The following GABRB1 variants were observed in gnomAD, a reference collection of about 807,000 sequenced individuals.
GABRB1 encodes gamma-aminobutyric acid type A receptor subunit beta1, also known as gamma-aminobutyric acid receptor subunit beta-1.
Under a neutral mutation model 51.6 loss-of-function variants are expected in GABRB1, and 17 were observed. The observed-to-expected ratio is 0.33, with a 90% CI of 0.23 to 0.49. GABRB1 has a LOEUF of 0.49. Ranked by LOEUF, GABRB1 falls within the 20% of genes least tolerant of loss-of-function variation. The pLI, the probability that GABRB1 is intolerant of heterozygous loss-of-function variation, is 0.99. For synonymous variants in GABRB1, 247 were observed against 218.9 expected, an observed-to-expected ratio of 1.13 and a Z score of -1.14; for missense variants, 410 against 600.6, an observed-to-expected ratio of 0.68 and a Z score of 3.32.
At chr4:47,150,611 A>G (rs932911345) in intron 3 of GABRB1, among the ~76,000 whole-genome samples, 1 of 147,712 alleles carries the variant, frequency 6.8e-6, no homozygotes, top group Non-Finnish European at 1.5e-5. Context: ...ATAAATATAT[A>G]CTATCTTTTC....
intron 4 of GABRB1, among the ~76,000 whole-genome samples, chr4:47,170,741 T>A (rs1178078787): frequency 6.6e-6 from 1 of 152,112 alleles, no homozygotes; most frequent in East Asian, 1.9e-4. Context: ...CTATTTCAAA[T>A]GGAAGAGAGA....
chr4:47,321,289 T>C (rs915587263), intron 5 of GABRB1, among the ~76,000 whole-genome samples: 2 of 152,208 alleles, frequency 1.3e-5, no homozygotes, highest in African/African-American at 4.8e-5. Context: ...GGTGATTCTA[T>C]AGTATTGTTG....
chr4:47,231,110 T>A (rs1721125253), intron 4 of GABRB1, among the ~76,000 whole-genome samples: 1 of 152,200 alleles, frequency 6.6e-6, no homozygotes, highest in Admixed American at 6.5e-5. Context: ...CCAACCTTTG[T>A]CCCTCCTAAA....
At chr4:47,345,878 A>G (rs1381987503) in intron 5 of GABRB1, among the ~76,000 whole-genome samples, 5 of 152,076 alleles carry the variant, frequency 3.3e-5, no homozygotes, top group Admixed American at 6.6e-5. Flanking sequence ...AGATTCCCCC[A>G]AACAAGCACA....
At chr4:47,416,657 G>A (rs1032033946) in intron 8 of GABRB1, among the ~76,000 whole-genome samples, 15 of 152,052 alleles carry the variant, frequency 9.9e-5, no homozygotes, top group African/African-American at 3.6e-4. Context: ...TCGCCATGTT[G>A]GCCAGGCTGG....
chr4:47,310,042 G>T (rs772996791), intron 4 of GABRB1, among the ~76,000 whole-genome samples: 1 of 151,954 alleles, frequency 6.6e-6, no homozygotes. Context: ...CTGCATTCAT[G>T]AATTATCATA....
At chr4:47,405,872 A>G (rs1005307918) in intron 7 of GABRB1, among the ~76,000 whole-genome samples, 1 of 152,188 alleles carries the variant, frequency 6.6e-6, no homozygotes, top group Non-Finnish European at 1.5e-5. Context: ...CAAACATTAT[A>G]CTATTAAGAA....
At chr4:47,374,152 G>A (rs1019528948) in intron 5 of GABRB1, among the ~76,000 whole-genome samples, 2 of 152,186 alleles carry the variant, frequency 1.3e-5, no homozygotes, top group South Asian at 2.1e-4. Flanking sequence ...GTTCCCGCAA[G>A]GTATATGTGA....
chr4:47,171,571 ATTAT>A (rs1186772309), intron 4 of GABRB1, among the ~76,000 whole-genome samples: 1 of 152,094 alleles, frequency 6.6e-6, no homozygotes, highest in Admixed American at 6.6e-5. Flanking sequence ...TGACTTGTTT[ATTAT>A]TTATGTATGT....
chr4:47,408,215 A>C (rs1010718025), intron 8 of GABRB1, among the ~76,000 whole-genome samples: 10 of 152,352 alleles, frequency 6.6e-5, no homozygotes, highest in Admixed American at 2.0e-4. Context: ...TCTGATACCT[A>C]TGTAATGAGA....
At chr4:47,119,693 G>A (rs1715676932) in intron 3 of GABRB1, among the ~76,000 whole-genome samples, 1 of 151,980 alleles carries the variant, frequency 6.6e-6, no homozygotes, top group Non-Finnish European at 1.5e-5. Context: ...TTTTTTAGCA[G>A]AGACAAGGTT....
chr4:47,071,505 T>C (rs558166475), intron 3 of GABRB1, among the ~76,000 whole-genome samples: 2 of 152,160 alleles, frequency 1.3e-5, no homozygotes, highest in Non-Finnish European at 2.9e-5. Context: ...TCACAAGGTA[T>C]AAAATGGCAC....
At chr4:47,307,102 A>G (rs1323628904) in intron 4 of GABRB1, among the ~76,000 whole-genome samples, 1 of 152,166 alleles carries the variant, frequency 6.6e-6, no homozygotes, top group Non-Finnish European at 1.5e-5. Flanking sequence ...AGGGACAAAA[A>G]AATCCAATGT....
chr4:47,040,218 A>C (rs1300867107), intron 3 of GABRB1, among the ~76,000 whole-genome samples: 2 of 152,216 alleles, frequency 1.3e-5, no homozygotes, highest in East Asian at 3.8e-4. Flanking sequence ...CCTGAAATGC[A>C]GAACATCTGA....
At chr4:47,383,246 G>A (rs970519764) in intron 5 of GABRB1, among the ~76,000 whole-genome samples, 6 of 152,168 alleles carry the variant, frequency 3.9e-5, no homozygotes, top group Non-Finnish European at 7.3e-5. Context: ...AGAATTGCCA[G>A]AGAAAAGCTA....
intron 5 of GABRB1, among the ~76,000 whole-genome samples, chr4:47,375,795 G>A (rs1285505863): frequency 2.0e-5 from 3 of 152,142 alleles, no homozygotes; most frequent in Non-Finnish European, 4.4e-5. Flanking sequence ...GTCTAGGAAG[G>A]GGAGGAAAAG....
At chr4:47,140,755 T>C (rs1397327553) in intron 3 of GABRB1, among the ~76,000 whole-genome samples, 1 of 151,294 alleles carries the variant, frequency 6.6e-6, no homozygotes, top group African/African-American at 2.4e-5. Flanking sequence ...GGTTAAGAGT[T>C]GTTTTTTGTT....
chr4:47,343,413 T>C lies in GABRB1; in HGVS notation c.544+23204T>C, dbSNP rs569703926. 2.0e-5 allele frequency among the ~76,000 whole-genome samples: 3 copies of C among 152,194 alleles called. No homozygotes were observed. The South Asian group carries it at 6.2e-4, about 31-fold the overall frequency. On this transcript the variant is annotated intron_variant, in intron 5 of 8. Transcript: ENST00000295454. ...AAACACAATTCAGCTTGACCCTTTT[T>C]ATGGAAATATTGCCAGTAGAAATTT...
chr4:47,145,935 T>A (rs1673060965), intron 3 of GABRB1, among the ~76,000 whole-genome samples: 1 of 152,028 alleles, frequency 6.6e-6, no homozygotes, highest in African/African-American at 2.4e-5. Context: ...AGCACAGCCT[T>A]TTTTTTCTTC....
Sources: allele counts gnomAD v4.1 joint callset (sites outside exome capture counted in the v4.1 genomes callset), GRCh38; gene constraint gnomAD v4.1.1; transcripts MANE v1.5; gene names NCBI Gene and HGNC (gene_info 2026-07-23, HGNC 2026-07-21).